The following SPTB variants were observed in gnomAD, a reference collection of about 807,000 sequenced individuals.
SPTB encodes spectrin beta, erythrocytic, also known as spectrin beta chain, erythrocytic.
SPTB carries 45 observed loss-of-function variants against 256.2 expected under a neutral mutation model. The ratio of observed to expected loss-of-function variants is 0.18; its 90% confidence interval spans 0.14 to 0.23. The LOEUF (loss-of-function observed/expected upper bound fraction) is 0.23, where lower values mean the gene tolerates loss of function less well. SPTB is among the 10% of genes least tolerant of loss of function. The pLI, the probability that SPTB is intolerant of heterozygous loss-of-function variation, is 1.00. For synonymous variants in SPTB, 1,231 were observed against 1,243.1 expected (o/e 0.99, Z 0.21); for missense variants, 2,715 against 3,040.4 (o/e 0.89, Z 2.52).
In SPTB at chr14:64,796,141, A is replaced by G. The variant is rs965655752; in HGVS notation, c.1341+416T>C. ...TAAGTGAGAGGGAACAGATGCTCTG[A>G]TGAAGAATCAGCCCTGGGGTCAATT... is the stretch of plus-strand genomic sequence containing the variant. On this transcript the variant is annotated intron_variant, in intron 11 of 35. Coordinates refer to ENST00000644917, the MANE Select transcript of SPTB (RefSeq NM_001355436.2). This position sits in a 1 kb window ranked among gnomAD's most constrained non-coding sequence, Gnocchi z 4.1. 6.6e-6 allele frequency among the ~76,000 whole-genome samples: 1 copy of G among 152,208 alleles called. No individual in the cohort carries two copies. Among genetic ancestry groups the G allele is most frequent in the Non-Finnish European group, 1.5e-5 (1 of 68,036 alleles).
rs890902572 is a variant in SPTB, at chr14:64,852,015, C to T, written c.-52+27777G>A. 3.3e-5 allele frequency among the ~76,000 whole-genome samples: 5 copies of T among 152,052 alleles called. No individual in the cohort carries two copies. Among genetic ancestry groups the T allele is most frequent in the East Asian group, 1.9e-4 (1 of 5,192 alleles). On this transcript the variant is annotated intron_variant, in intron 1 of 35. Coordinates refer to ENST00000644917, the MANE Select transcript of SPTB (RefSeq NM_001355436.2). This position sits in a 1 kb window ranked among gnomAD's most constrained non-coding sequence, Gnocchi z 4.2. ...ACCTACACATCTGGCACATGTACCC[C>T]GGAACTTAAAATAAAAATATTTAAA...
At chr14:64,797,945 T>A in intron 9 of SPTB, 99 bp from the exon 10 acceptor site, 1 of 829,246 alleles carries the variant, frequency 1.2e-6, no homozygotes, top group South Asian at 1.3e-5. Flanking sequence ...GAAGCGTAGA[T>A]AGCAAAGCAT....
chr14:64,779,364 C>T lies in SPTB; in HGVS notation c.4474-118G>A. The T allele has an allele frequency of 2.3e-6, 2 of 853,526 alleles. No individual in the cohort carries two copies. The highest frequency in any genetic ancestry group is 3.9e-6 in the Non-Finnish European group (2 of 516,028). The allele number at this position is 853,526 out of a possible 1,614,324, so 52.9% of individuals were successfully genotyped here. ...GTGTCTCCCCAGTTCCTCCCAACACCCCATCAGGGTTTTGCCCCCATTTTA... is the reference window on the plus strand; with the variant it reads ...GTGTCTCCCCAGTTCCTCCCAACACTCCATCAGGGTTTTGCCCCCATTTTA... On this transcript the variant is annotated intron_variant, in intron 21 of 35. Transcript: ENST00000644917. This position sits in a 1 kb window ranked among gnomAD's most constrained non-coding sequence, Gnocchi z 4.2.
chr14:64,757,601 G>A (rs1401497330), intron 32 of SPTB: 1 of 152,356 alleles, frequency 6.6e-6, no homozygotes, highest in African/African-American at 2.4e-5. Context: ...ATGAGGGTGA[G>A]AGATGAAGGA....
At position 64,771,089 on chromosome 14, in the gene SPTB, G is replaced by A. The variant is rs2082272801; in HGVS notation, c.5594C>T (p.Ala1865Val). The stretch of plus-strand genomic sequence containing the variant: ...GGCCTCTGCCTTCTCCCCAGCATAT[G>A]CTGTCTGCAGACGGGTGGCCACGTC... ...FQDVATRLQTAYAGEKAEAIQ... is the reference protein window; with the variant it reads ...FQDVATRLQTVYAGEKAEAIQ... The change falls in exon 27 of 36, where the codon GCA becomes GTA. Residue 1865 changes from alanine to valine, a missense_variant. Transcript: ENST00000644917. The A allele has an allele frequency of 1.2e-6, 2 of 1,614,070 alleles. No homozygotes were observed. The highest frequency in any genetic ancestry group is 1.7e-6 in the Non-Finnish European group (2 of 1,180,048).
intron 2 of SPTB, among the ~76,000 whole-genome samples, chr14:64,819,272 A>T (rs2083246003): frequency 6.6e-6 from 1 of 152,232 alleles, no homozygotes; most frequent in Admixed American, 6.5e-5. Context: ...TCCAGGAAGG[A>T]AGACCTGGGA....
chr14:64,799,082 GGTGTAT>G lies in SPTB; in HGVS notation c.1064+659_1064+664del, dbSNP rs549162779. On this transcript the variant is annotated intron_variant, in intron 9 of 35. Transcript: ENST00000644917. Reference sequence around the variant, plus strand: ...GCACACATAAATGCATGTATAGTTAGGTGTATGTGTATGAGTGCACGGTTGTGTGTG... The same window carrying G: ...GCACACATAAATGCATGTATAGTTAGGTGTATGAGTGCACGGTTGTGTGTG... Among the ~76,000 whole-genome samples the G allele has an allele frequency of 3.7e-3, 558 of 152,224 alleles. 7 individuals carry two copies. The highest frequency in any genetic ancestry group is 0.012 in the African/African-American group (517 of 41,482).
At chr14:64,787,752 G>A (rs1289383799) in intron 15 of SPTB, among the ~76,000 whole-genome samples, 1 of 152,232 alleles carries the variant, frequency 6.6e-6, no homozygotes, top group Non-Finnish European at 1.5e-5. Context: ...CTTAACCTTC[G>A]AGTGCAGTGT....
chr14:64,837,950 A>T (rs2083551270), intron 1 of SPTB, among the ~76,000 whole-genome samples: 1 of 152,192 alleles, frequency 6.6e-6, no homozygotes, highest in Non-Finnish European at 1.5e-5. Flanking sequence ...AAAGGCAAAG[A>T]AAATAGAATA....
intron 1 of SPTB, among the ~76,000 whole-genome samples, chr14:64,869,579 G>C (rs1046442391): frequency 1.6e-4 from 24 of 151,298 alleles, no homozygotes; most frequent in Non-Finnish European, 1.5e-5. Context: ...TAAACAGCTG[G>C]GACTACAGGT....
At chr14:64,784,206 C>G in intron 19 of SPTB, 41 bp downstream of exon 19, 1 of 1,613,380 alleles carries the variant, frequency 6.2e-7, no homozygotes. Context: ...GCAAGCCTAT[C>G]TGAGCAGAGC....
At chr14:64,846,273 G>T (rs529630536) in intron 1 of SPTB, among the ~76,000 whole-genome samples, 1 of 152,352 alleles carries the variant, frequency 6.6e-6, no homozygotes, top group African/African-American at 2.4e-5. Flanking sequence ...CTCTGAAAGG[G>T]TCAGAAAACA....
intron 33 of SPTB, among the ~76,000 whole-genome samples, chr14:64,750,900 TATAA>T (rs1275984121): frequency 7.5e-5 from 11 of 145,814 alleles, no homozygotes; most frequent in African/African-American, 1.7e-4. Context: ...ATATGAAATA[TATAA>T]ATATATAAAA....
At chr14:64,811,383 A>T (rs1198609071) in intron 2 of SPTB, among the ~76,000 whole-genome samples, 3 of 152,334 alleles carry the variant, frequency 2.0e-5, no homozygotes, top group Non-Finnish European at 2.9e-5. Context: ...GCAAACACAC[A>T]ATCTAATAAT....
rs2083379159 is a variant in SPTB, at chr14:64,826,455, G to A, written c.-51-3310C>T. Among the ~76,000 whole-genome samples, 1 of 152,136 alleles carries A rather than the reference G, an allele frequency of 6.6e-6. No homozygotes were observed. Among genetic ancestry groups the A allele is most frequent in the South Asian group, 2.1e-4 (1 of 4,822 alleles). ...GGAAATGACATTTAAGTTGCTACCT[G>A]GGAGGAACTTAGAGATGAGATGATC... On this transcript the variant is annotated intron_variant, in intron 1 of 35. Transcript: ENST00000644917. This position sits in a 1 kb window ranked among gnomAD's most constrained non-coding sequence, Gnocchi z 4.4.
chr14:64,826,573 C>T lies in SPTB; in HGVS notation c.-51-3428G>A, dbSNP rs960753565. Among the ~76,000 whole-genome samples the T allele has an allele frequency of 6.6e-6, 1 of 152,172 alleles. No individual in the cohort carries two copies. Among genetic ancestry groups the T allele is most frequent in the African/African-American group, 2.4e-5 (1 of 41,436 alleles). ...CGCAAATACATGGCTAAAATTAGAT[C>T]TTAAATTGCACTTCAGGCCCATCAG... On this transcript the variant is annotated intron_variant, in intron 1 of 35. Transcript: ENST00000644917. The surrounding 1 kb of genome is among the most constrained non-coding windows in gnomAD (Gnocchi z 4.4).
Position 64,785,703 on chromosome 14 carries a change from C to T in SPTB, c.3764+46G>A. 1 of 1,613,748 alleles carries T rather than the reference C, an allele frequency of 6.2e-7. No homozygotes were observed. The highest frequency in any genetic ancestry group is 8.5e-7 in the Non-Finnish European group (1 of 1,179,676). On this transcript the variant is annotated intron_variant, in intron 17 of 35. Coordinates refer to ENST00000644917, the MANE Select transcript of SPTB (RefSeq NM_001355436.2). The surrounding 1 kb of genome is among the most constrained non-coding windows in gnomAD (Gnocchi z 4.4). ...TCACCAAGCTTGGGGTCCTCACTAC[C>T]CCCGTGTGGCTCTGGGGGCCTCGTG...
chr14:64,797,669 T>C, intron 10 of SPTB, 60 bp downstream of exon 10: 2 of 1,274,058 alleles, frequency 1.6e-6, no homozygotes, highest in East Asian at 2.3e-5. Context: ...CCATTCACTG[T>C]GTCCTTATCG....
intron 15 of SPTB, among the ~76,000 whole-genome samples, chr14:64,788,268 G>C (rs1302636437): frequency 6.6e-6 from 1 of 152,186 alleles, no homozygotes; most frequent in African/African-American, 2.4e-5. Flanking sequence ...TAAAGGATGG[G>C]ACCAAGTGTC....
Sources: allele counts gnomAD v4.1 joint callset (sites outside exome capture counted in the v4.1 genomes callset), GRCh38; gene constraint gnomAD v4.1.1; non-coding constraint Gnocchi (gnomAD v3.1); transcripts MANE v1.5; gene names NCBI Gene and HGNC (gene_info 2026-07-23, HGNC 2026-07-21).